Variants in SOX6 observed in about 807,000 individuals in gnomAD.
SOX6 encodes transcription factor SOX-6.
A neutral mutation model predicts 97.8 loss-of-function variants in SOX6; 11 were observed. The observed-to-expected ratio is 0.11, with a 90% CI of 0.07 to 0.19. The LOEUF is 0.19. Ranked by LOEUF, SOX6 falls within the 10% of genes least tolerant of loss-of-function variation. SOX6 has a pLI of 1.00. For missense variants in SOX6, 810 were observed against 1,039.5 expected, an observed-to-expected ratio of 0.78 and a Z score of 3.04; for synonymous variants, 360 against 371.4, an observed-to-expected ratio of 0.97 and a Z score of 0.35.
intron 1 of SOX6, among the ~76,000 whole-genome samples, chr11:16,419,447 C>T (rs980245776): frequency 6.6e-6 from 1 of 151,940 alleles, no homozygotes; most frequent in Non-Finnish European, 1.5e-5. Flanking sequence ...AAAAGCTTAG[C>T]TCTGCTATTT....
At chr11:16,046,069 A>T (rs570017118) in intron 12 of SOX6, among the ~76,000 whole-genome samples, 1 of 152,300 alleles carries the variant, frequency 6.6e-6, no homozygotes, top group South Asian at 2.1e-4. Context: ...TGCAATTTGC[A>T]AATTGCTTTG....
intron 1 of SOX6, among the ~76,000 whole-genome samples, chr11:16,388,971 T>C (rs7951214): frequency 0.68 from 104,162 of 152,074 alleles, 35,886 homozygotes; most frequent in Non-Finnish European, 0.72. Context: ...AACATCATTC[T>C]CTTTTATTTT....
chr11:16,201,993 T>G (rs1851954505), intron 4 of SOX6, among the ~76,000 whole-genome samples: 2 of 152,216 alleles, frequency 1.3e-5, no homozygotes, highest in East Asian at 3.9e-4. Flanking sequence ...AAATTTATTT[T>G]TCATGAAAAG....
chr11:16,332,953 A>G (rs1362468791), intron 2 of SOX6, among the ~76,000 whole-genome samples: 1 of 152,194 alleles, frequency 6.6e-6, no homozygotes, highest in East Asian at 1.9e-4. Flanking sequence ...TAATTAATAC[A>G]TATTCATTAT....
rs145165473 is a variant in SOX6 at position 16,214,372 on chromosome 11, T to C, written c.535+20210A>G. Among the ~76,000 whole-genome samples, 12 of 152,344 alleles carry C rather than the reference T, an allele frequency of 7.9e-5. No homozygotes were observed. The East Asian group carries it at 2.1e-3, about 27-fold the overall frequency. On this transcript the variant is annotated intron_variant, in intron 4 of 15. Transcript: ENST00000683767. ...CCTATTTCTCTTCTTCTGTCAGTGC[T>C]GAATTACTGGGTACTTACTACCTAG...
intron 1 of SOX6, among the ~76,000 whole-genome samples, chr11:16,422,587 T>A (rs996045250): frequency 6.6e-6 from 1 of 152,180 alleles, no homozygotes; most frequent in South Asian, 2.1e-4. Context: ...TAATTCGCAC[T>A]CCCTTCACCT....
intron 1 of SOX6, among the ~76,000 whole-genome samples, chr11:16,374,443 ATGTAT>A (rs1857588836): frequency 2.0e-5 from 3 of 152,062 alleles, no homozygotes; most frequent in Admixed American, 6.6e-5. Flanking sequence ...AATGATGGCA[ATGTAT>A]TTCAAAATAA....
intron 3 of SOX6, among the ~76,000 whole-genome samples, chr11:16,705,781 TA>T (rs1848127805): frequency 6.6e-6 from 1 of 152,200 alleles, no homozygotes; most frequent in Admixed American, 6.5e-5. Context: ...TAAATCGTTA[TA>T]TATTAAGATG....
chr11:16,454,398 C>G (rs186348330), intron 1 of SOX6, among the ~76,000 whole-genome samples: 2 of 152,144 alleles, frequency 1.3e-5, no homozygotes, highest in East Asian at 3.9e-4. Context: ...TTCCAGAAGA[C>G]TTATTAGCAA....
intron 3 of SOX6, among the ~76,000 whole-genome samples, chr11:16,655,838 A>G (rs1045612937): frequency 7.9e-5 from 12 of 152,014 alleles, no homozygotes; most frequent in Non-Finnish European, 1.8e-4. Flanking sequence ...TTTTCTGGCC[A>G]GGCGTGGTGG....
chr11:16,363,152 A>T lies in SOX6; in HGVS notation c.-4-21900T>A, dbSNP rs1481135353. On this transcript the variant is annotated intron_variant, in intron 1 of 15. Coordinates refer to the SOX6 transcript ENST00000396356. ...CACCTCTAAGATTTATTCCAACTCT[A>T]AGATTCTTAAATTGCAAACATCCCT... Among the ~76,000 whole-genome samples the T allele has an allele frequency of 2.0e-5, 3 of 152,186 alleles. No homozygotes were observed. The East Asian group carries it at 5.8e-4, about 29-fold the overall frequency.
chr11:16,363,621 T>A (rs1485146904), intron 1 of SOX6, among the ~76,000 whole-genome samples: 1 of 152,108 alleles, frequency 6.6e-6, no homozygotes, highest in Non-Finnish European at 1.5e-5. Flanking sequence ...GAACACCTTA[T>A]AATTTTGATA....
intron 2 of SOX6, among the ~76,000 whole-genome samples, chr11:16,728,057 G>C (rs2134058104): frequency 6.6e-6 from 1 of 152,162 alleles, no homozygotes; most frequent in East Asian, 1.9e-4. Flanking sequence ...CTCTGGGCAG[G>C]GCATTTCTAA....
chr11:16,560,720 T>C (rs1036802442), intron 4 of SOX6, among the ~76,000 whole-genome samples: 1 of 152,130 alleles, frequency 6.6e-6, no homozygotes, highest in Non-Finnish European at 1.5e-5. Flanking sequence ...AAGGACAGTA[T>C]GAATTGTAAA....
At chr11:16,379,971 G>T (rs1857761889) in intron 1 of SOX6, among the ~76,000 whole-genome samples, 1 of 151,376 alleles carries the variant, frequency 6.6e-6, no homozygotes. Context: ...TTAAAAAGTA[G>T]ATTATAATAT....
chr11:16,685,859 T>C (rs1444869894), intron 3 of SOX6, among the ~76,000 whole-genome samples: 2 of 152,264 alleles, frequency 1.3e-5, no homozygotes, highest in African/African-American at 4.8e-5. Flanking sequence ...TTCTCATACA[T>C]TCTCTGAAAT....
At position 16,118,854 on chromosome 11, in the gene SOX6, T is replaced by C. The variant is rs370520253; in HGVS notation, c.778-6931A>G. Among the ~76,000 whole-genome samples, 17 of 152,334 alleles carry C rather than the reference T, an allele frequency of 1.1e-4. No homozygotes were observed. The East Asian group carries it at 1.5e-3, about 14-fold the overall frequency. On this transcript the variant is annotated intron_variant, in intron 6 of 15. Coordinates refer to ENST00000683767, the MANE Select transcript of SOX6 (RefSeq NM_001367873.1). ...AAAGACAGTGCAAAAATGAGGGTTT[T>C]TAAATACTTTATCTCTAGAAAATAA...
intron 4 of SOX6, among the ~76,000 whole-genome samples, chr11:16,521,713 A>G (rs1018343562): frequency 2.0e-5 from 3 of 152,202 alleles, no homozygotes; most frequent in Non-Finnish European, 2.9e-5. Flanking sequence ...CCAAAGGCAA[A>G]GAAGTTAAAA....
At chr11:16,654,196 T>C (rs891874434) in intron 3 of SOX6, among the ~76,000 whole-genome samples, 2 of 152,172 alleles carry the variant, frequency 1.3e-5, no homozygotes, top group Non-Finnish European at 2.9e-5. Context: ...GCTCTCAGTG[T>C]ATCACCCAGG....
Sources: gnomAD v4.1 joint callset for allele counts (sites outside exome capture counted in the v4.1 genomes callset) on GRCh38, gnomAD v4.1.1 for gene constraint, MANE v1.5 for transcripts, NCBI Gene and HGNC (gene_info 2026-07-23, HGNC 2026-07-21) for gene names.